Variants in ALK observed in about 807,000 individuals in gnomAD.
ALK encodes ALK receptor tyrosine kinase, also known as ALK tyrosine kinase receptor.
Under a neutral mutation model 163.1 loss-of-function variants are expected in ALK, and 74 were observed. The ratio of observed to expected loss-of-function variants is 0.45; its 90% confidence interval spans 0.38 to 0.55. ALK has a LOEUF of 0.55. ALK is among the 20% of genes least tolerant of loss of function. ALK has a pLI of 0.00. For missense variants in ALK, 2,063 were observed against 2,105.3 expected (o/e 0.98, Z 0.39); for synonymous variants, 960 against 843.2 (o/e 1.14, Z -2.40).
At chr2:29,544,320 G>T (rs373104008) in intron 3 of ALK, among the ~76,000 whole-genome samples, 4 of 152,286 alleles carry the variant, frequency 2.6e-5, no homozygotes, top group African/African-American at 9.6e-5. Flanking sequence ...GGGCGAATGA[G>T]TCTGGGGACT....
At chr2:29,405,048 G>A (rs538282204) in intron 4 of ALK, among the ~76,000 whole-genome samples, 1 of 152,322 alleles carries the variant, frequency 6.6e-6, no homozygotes, top group South Asian at 2.1e-4. Context: ...TAAAAGAATA[G>A]ATAATGCTAC....
intron 3 of ALK, among the ~76,000 whole-genome samples, chr2:29,686,795 G>A (rs543876781): frequency 2.0e-5 from 3 of 152,280 alleles, no homozygotes; most frequent in South Asian, 2.1e-4. Context: ...TACTTCCCTG[G>A]AAGGTCCACC....
intron 2 of ALK, among the ~76,000 whole-genome samples, chr2:29,710,501 T>TGTGTGTGC (rs1553350599): frequency 8.8e-6 from 1 of 113,426 alleles, no homozygotes; most frequent in East Asian, 2.0e-4. Context: ...TCTGTGTGCG[T>TGTGTGTGC]GTGTGTGTGT....
intron 8 of ALK, among the ~76,000 whole-genome samples, chr2:29,311,591 G>A (rs367549981): frequency 6.6e-6 from 1 of 152,180 alleles, no homozygotes; most frequent in Non-Finnish European, 1.5e-5. Flanking sequence ...GTTCTGCTCT[G>A]GGCCGTGTCA....
intron 1 of ALK, among the ~76,000 whole-genome samples, chr2:29,826,785 C>G (rs1220672315): frequency 6.6e-6 from 1 of 152,122 alleles, no homozygotes; most frequent in Non-Finnish European, 1.5e-5. Context: ...TGGCTGAGTA[C>G]TAAAAAGAGA....
chr2:29,697,457 T>A (rs892966524), intron 2 of ALK, among the ~76,000 whole-genome samples: 1 of 152,150 alleles, frequency 6.6e-6, no homozygotes, highest in Non-Finnish European at 1.5e-5. Context: ...ACTTTTAGGG[T>A]ACATGGGCCA....
chr2:29,708,625 A>G (rs886076693), intron 2 of ALK, among the ~76,000 whole-genome samples: 2 of 152,166 alleles, frequency 1.3e-5, no homozygotes, highest in East Asian at 3.8e-4. Flanking sequence ...TGAGTTGTGT[A>G]AAGCAACAGA....
At chr2:29,806,251 T>C (rs1008581718) in intron 1 of ALK, among the ~76,000 whole-genome samples, 5 of 152,070 alleles carry the variant, frequency 3.3e-5, no homozygotes, top group South Asian at 2.1e-4. Context: ...CGTGTGTGCA[T>C]TGGGTCTGTA....
At chr2:29,849,079 C>G (rs1665927486) in intron 1 of ALK, among the ~76,000 whole-genome samples, 1 of 152,150 alleles carries the variant, frequency 6.6e-6, no homozygotes, top group African/African-American at 2.4e-5. Flanking sequence ...CGTCCTCGAG[C>G]TGCCCCCCAT....
intron 1 of ALK, among the ~76,000 whole-genome samples, chr2:29,807,468 G>T (rs1412540365): frequency 6.6e-6 from 1 of 152,242 alleles, no homozygotes; most frequent in African/African-American, 2.4e-5. Flanking sequence ...CCCAACACAT[G>T]CCAGGAGCTT....
At chr2:29,606,975 C>G (rs1192110456) in intron 3 of ALK, among the ~76,000 whole-genome samples, 1 of 152,252 alleles carries the variant, frequency 6.6e-6, no homozygotes, top group African/African-American at 2.4e-5. Context: ...TGCAGCCATG[C>G]ATCTGCTTTC....
At chr2:29,517,208 C>T (rs989897140) in intron 4 of ALK, among the ~76,000 whole-genome samples, 1 of 152,124 alleles carries the variant, frequency 6.6e-6, no homozygotes, top group East Asian at 1.9e-4. Context: ...GGTTTAGGGG[C>T]AGCACAGAGA....
At chr2:29,858,679 G>T (rs1293630481) in intron 1 of ALK, among the ~76,000 whole-genome samples, 1 of 152,086 alleles carries the variant, frequency 6.6e-6, no homozygotes, top group African/African-American at 2.4e-5. Context: ...GAAGGTGGAG[G>T]ATGCAGTGAG....
In ALK at chr2:29,816,224, G is replaced by A. The variant is rs190683967; in HGVS notation, c.668-98527C>T. 1.0e-3 allele frequency among the ~76,000 whole-genome samples: 155 copies of A among 152,276 alleles called. 1 individual carries two copies. The highest frequency in any genetic ancestry group is 2.7e-3 in the Admixed American group (41 of 15,296). On this transcript the variant is annotated intron_variant, in intron 1 of 28. Transcript: ENST00000389048. ...GTAATAGATTCATTCATTCAGGCAA[G>A]CAGGAATAACAGGGACATTTGCAGA... is the stretch of plus-strand genomic sequence containing the variant.
At chr2:29,225,832 G>C (rs996306744) in intron 18 of ALK, among the ~76,000 whole-genome samples, 1 of 152,150 alleles carries the variant, frequency 6.6e-6, no homozygotes, top group Non-Finnish European at 1.5e-5. Flanking sequence ...AACATGAGCT[G>C]CACAACTATG....
chr2:29,398,430 A>G (rs975662397), intron 4 of ALK, among the ~76,000 whole-genome samples: 7 of 152,164 alleles, frequency 4.6e-5, no homozygotes, highest in African/African-American at 9.6e-5. Flanking sequence ...CAAGAGATGT[A>G]TGCAAAGTGT....
chr2:29,796,822 T>C (rs576963754), intron 1 of ALK, among the ~76,000 whole-genome samples: 2 of 152,200 alleles, frequency 1.3e-5, no homozygotes, highest in Non-Finnish European at 2.9e-5. Context: ...GGAGGTGAGC[T>C]ACCTTTCATG....
chr2:29,199,557 C>G (rs1669107389), intron 26 of ALK, among the ~76,000 whole-genome samples: 1 of 152,162 alleles, frequency 6.6e-6, no homozygotes, highest in African/African-American at 2.4e-5. Flanking sequence ...CCCATTGACT[C>G]ACGATTAAAA....
intron 20 of ALK, 74 bp from the exon 21 acceptor site, chr2:29,222,681 C>G: frequency 7.5e-7 from 1 of 1,339,526 alleles, no homozygotes; most frequent in East Asian, 2.4e-5. Flanking sequence ...GGTCCTGAGC[C>G]TGGGCGTCAC....
Sources: gnomAD v4.1 joint callset for allele counts (sites outside exome capture counted in the v4.1 genomes callset) on GRCh38, gnomAD v4.1.1 for gene constraint, MANE v1.5 for transcripts, NCBI Gene and HGNC (gene_info 2026-07-23, HGNC 2026-07-21) for gene names.